TOE1: variants seen among roughly 807,000 people sequenced by gnomAD.
TOE1 encodes the protein target of EGR1 protein 1.
A neutral mutation model predicts 49.2 loss-of-function variants in TOE1; 50 were observed. The observed-to-expected ratio is 1.02, with a 90% CI of 0.81 to 1.29. The LOEUF (loss-of-function observed/expected upper bound fraction) is 1.29. TOE1 is among the 50% of genes most tolerant of loss of function. The pLI, the probability that TOE1 is intolerant of heterozygous loss-of-function variation, is 0.00. For missense variants in TOE1, 544 were observed against 654.4 expected (o/e 0.83, Z 1.84); for synonymous variants, 221 against 247.0 (o/e 0.89, Z 0.99).
rs201659515 is a variant in TOE1, at chr1:45,341,507, G to C, written c.271G>C (p.Ala91Pro). The part of the protein sequence containing the change: ...IEERYKAVCH[A>P]ARTRSILSLG... Reference sequence around the variant, plus strand: ...GGAACGTTACAAGGCCGTGTGTCATGCTGCCAGGACCCGTTCTATCCTTTC... The same window carrying C: ...GGAACGTTACAAGGCCGTGTGTCATCCTGCCAGGACCCGTTCTATCCTTTC... The change falls in exon 4 of 8, where the codon GCT becomes CCT. Residue 91 changes from alanine (A) to proline (P), a missense_variant. Transcript: ENST00000372090. 6.2e-7 allele frequency: 1 copy of C among 1,614,074 alleles called. No homozygotes were observed. The highest frequency in any genetic ancestry group is 2.2e-5 in the East Asian group (1 of 44,868).
At chr1:45,341,750 TC>T (rs1228159248) in intron 4 of TOE1, among the ~76,000 whole-genome samples, 181 bp downstream of exon 4, 1 of 151,944 alleles carries the variant, frequency 6.6e-6, no homozygotes, top group Non-Finnish European at 1.5e-5. Context: ...ATGAGTAAGT[TC>T]TTTAGTGGCA....
chr1:45,342,503 T>A lies in TOE1; in HGVS notation c.612T>A (p.Tyr204Ter). 6.2e-7 allele frequency: 1 copy of A among 1,614,138 alleles called. No homozygotes were observed. Among genetic ancestry groups the A allele is most frequent in the Non-Finnish European group, 8.5e-7 (1 of 1,180,024 alleles). ...IDLVFLYQNF[Y>*]AHLPESLGTF... is the part of the protein sequence containing the mutation. ...TGGTGTTCCTGTACCAGAACTTCTA[T>A]GCACACCTCCCTGAGAGTCTGGGAA... The change falls in exon 6 of 8, where the codon TAT (tyrosine) becomes TAA (stop). Residue 204 changes from tyrosine to a stop codon, truncating the protein, a stop_gained. Transcript: ENST00000372090. LOFTEE classifies it high-confidence loss of function.
Position 45,343,546 on chromosome 1 carries a change from A to G in TOE1, c.1377A>G (p.Gly459=). 1 of 1,614,034 alleles carries G rather than the reference A, an allele frequency of 6.2e-7. No homozygotes were observed. Among genetic ancestry groups the G allele is most frequent in the African/African-American group, 1.3e-5 (1 of 75,000 alleles). The change falls in exon 8 of 8, where the codon GGA becomes GGG. Residue 459 remains glycine (G), a synonymous_variant. Coordinates refer to ENST00000372090, the MANE Select transcript of TOE1 (RefSeq NM_025077.4). This position sits in a 1 kb window ranked among gnomAD's most constrained non-coding sequence, Gnocchi z 4.3. The part of the protein sequence containing the change: ...YVMAYVEVSQ[G]PQPCSSGPWL... The stretch of plus-strand genomic sequence containing the variant: ...TGGCCTATGTGGAAGTGAGCCAGGG[A>G]CCGCAGCCCTGCAGCTCTGGACCCT...
chr1:45,343,160 G>A lies in TOE1; in HGVS notation c.991G>A (p.Ala331Thr). ...CCTTATCATTGACACTGATGAGGCT[G>A]CGGCAGAGGACAAGCGGCGACGGCG... is the stretch of plus-strand genomic sequence containing the variant. ...IDLIIDTDEA[A>T]AEDKRRRRRR... Residue 331 changes from alanine (A) to threonine (T), a missense_variant, in exon 8 of 8, where the codon GCG (alanine) becomes ACG (threonine). Coordinates refer to ENST00000372090, the MANE Select transcript of TOE1 (RefSeq NM_025077.4). This position sits in a 1 kb window ranked among gnomAD's most constrained non-coding sequence, Gnocchi z 4.3. The A allele has an allele frequency of 6.2e-7, 1 of 1,613,944 alleles. No homozygotes were observed. The highest frequency in any genetic ancestry group is 8.5e-7 in the Non-Finnish European group (1 of 1,180,002).
chr1:45,342,345 G>A, intron 5 of TOE1, 39 bp from the exon 6 acceptor site: 1 of 1,603,114 alleles, frequency 6.2e-7, no homozygotes, highest in Non-Finnish European at 8.5e-7. Flanking sequence ...CTCCCTGGGG[G>A]ACTCTGTCCT....
intron 5 of TOE1, 70 bp from the exon 6 acceptor site, chr1:45,342,314 A>G (rs1647045771): frequency 2.5e-6 from 4 of 1,575,022 alleles, no homozygotes; most frequent in African/African-American, 1.4e-5. Flanking sequence ...GAAGTCTGGG[A>G]TAAGTGCCCA....
rs1646917948 is a variant in TOE1, at chr1:45,340,970, T to C, written c.53-103T>C. 2.0e-6 allele frequency: 3 copies of C among 1,520,948 alleles called. No homozygotes were observed. In the African/African-American group the frequency reaches 4.1e-5, roughly 21 times the overall value. The allele number at this position is 1,520,948 out of a possible 1,614,324, so 94.2% of individuals were successfully genotyped here. A position where few individuals can be genotyped will look rare whatever the true frequency, so the allele number is the denominator to read the frequency against. On this transcript the variant is annotated intron_variant, in intron 1 of 7. Coordinates refer to ENST00000372090, the MANE Select transcript of TOE1 (RefSeq NM_025077.4). Reference sequence around the variant, plus strand: ...AAAGGCTTGTGGGAAAAGCTACCAATGGAAACTACCCCCCTTACCACCATC... The same window carrying C: ...AAAGGCTTGTGGGAAAAGCTACCAACGGAAACTACCCCCCTTACCACCATC...
rs1570626784 is a variant in TOE1 at position 45,343,853 on chromosome 1, G to GTT, written c.*153_*154dup. On this transcript the variant is annotated 3_prime_UTR_variant, in exon 8 of 8. Transcript: ENST00000372090. The surrounding 1 kb of genome is among the most constrained non-coding windows in gnomAD (Gnocchi z 4.3). ...CCTGGACCGCCTCCTTTATCCCAGTGTTTGAGGTACAAGTAAGAAGGCTGA... is the reference window on the plus strand; with the variant it reads ...CCTGGACCGCCTCCTTTATCCCAGTGTTTTTGAGGTACAAGTAAGAAGGCTGA... 4.7e-6 allele frequency: 4 copies of GTT among 860,088 alleles called. No homozygotes were observed. Among genetic ancestry groups the GTT allele is most frequent in the Non-Finnish European group, 3.5e-6 (2 of 564,280 alleles). The allele number at this position is 860,088 out of a possible 1,614,324, so 53.3% of individuals were successfully genotyped here. A position where few individuals can be genotyped will look rare whatever the true frequency, so the allele number is the denominator to read the frequency against.
chr1:45,341,894 T>A, intron 4 of TOE1, 55 bp from the exon 5 acceptor site: 1 of 1,579,256 alleles, frequency 6.3e-7, no homozygotes, highest in South Asian at 1.1e-5. Flanking sequence ...AGCTTTTGCA[T>A]CCTCCTAGCT....
Position 45,340,596 on chromosome 1 carries a change from C to T in TOE1, c.52+292C>T, listed in dbSNP as rs996435665. The T allele has an allele frequency of 5.3e-6, 7 of 1,333,322 alleles. No homozygotes were observed. In the African/African-American group the frequency reaches 5.9e-5, roughly 11 times the overall value. The allele number at this position is 1,333,322 out of a possible 1,614,324, so 82.6% of individuals were successfully genotyped here. On this transcript the variant is annotated intron_variant, in intron 1 of 7. Coordinates refer to ENST00000372090, the MANE Select transcript of TOE1 (RefSeq NM_025077.4). ...AGTGGAGTGGATTGAGCGTTGTGAT[C>T]CAAAGGAAGGTAGGACGTATTGGGA...
Position 45,342,624 on chromosome 1 carries a change from GA to G in TOE1, c.735del (p.Glu245AspfsTer33). On this transcript the variant is annotated frameshift_variant, in exon 6 of 8. Transcript: ENST00000372090. LOFTEE classifies it high-confidence loss of function. ...TGCCCGTTTCGTGGCCTCCTACTTA[GA>G]ATATGCCTTCCGGAAATGGTGAGGA... ...FHARFVASYLEYAFRKCEREN... is the reference protein window; with the variant it reads ...FHARFVASYLXYAFRKCEREN... 6.2e-7 allele frequency: 1 copy of G among 1,613,906 alleles called. No homozygotes were observed. Among genetic ancestry groups the G allele is most frequent in the Non-Finnish European group, 8.5e-7 (1 of 1,179,880 alleles).
At position 45,340,180 on chromosome 1, in the gene TOE1, C is replaced by T; in HGVS notation, c.-73C>T. The T allele has an allele frequency of 6.2e-7, 1 of 1,612,390 alleles. No homozygotes were observed. Among genetic ancestry groups the T allele is most frequent in the Non-Finnish European group, 8.5e-7 (1 of 1,179,498 alleles). ...GAGACCCCGCCCCATCCCCGACTGCCTGAACCGCGCCAGGAGACGGACCGC... is the reference window on the plus strand; with the variant it reads ...GAGACCCCGCCCCATCCCCGACTGCTTGAACCGCGCCAGGAGACGGACCGC... On this transcript the variant is annotated 5_prime_UTR_variant, in exon 1 of 8. Coordinates refer to ENST00000372090, the MANE Select transcript of TOE1 (RefSeq NM_025077.4).
Position 45,340,796 on chromosome 1 carries a change from T to A in TOE1, c.53-277T>A, listed in dbSNP as rs1473206000. ...TGGGAAAAAAGAATCAAAGGTCGTC[T>A]AGTCCAACTTTCTCCTCTACAGATT... On this transcript the variant is annotated intron_variant, in intron 1 of 7. Coordinates refer to ENST00000372090, the MANE Select transcript of TOE1 (RefSeq NM_025077.4). 2.0e-5 allele frequency among the ~76,000 whole-genome samples: 3 copies of A among 152,188 alleles called. No homozygotes were observed. In the South Asian group the frequency reaches 6.2e-4, roughly 32 times the overall value.
Position 45,343,680 on chromosome 1 carries a change from A to T in TOE1, c.1511A>T (p.Lys504Met). 2 of 1,609,980 alleles carry T rather than the reference A, an allele frequency of 1.2e-6. No homozygotes were observed. The highest frequency in any genetic ancestry group is 2.2e-5 in the South Asian group (2 of 91,016). Residue 504 changes from lysine (K) to methionine (M), a missense_variant, in exon 8 of 8, where the codon AAG (lysine) becomes ATG (methionine). Physicochemically the swap from Lys to Met is moderately conservative, Grantham distance 95 (BLOSUM62 -1). Coordinates refer to ENST00000372090, the MANE Select transcript of TOE1 (RefSeq NM_025077.4). This position sits in a 1 kb window ranked among gnomAD's most constrained non-coding sequence, Gnocchi z 4.3. Reference protein sequence around the residue: ...RSSKAHNQKMKLTWGSS With the variant: ...RSSKAHNQKMMLTWGSS ...TCCAAAGCCCACAATCAGAAGATGA[A>T]GCTCACTTGGGGCAGTAGCTGATGC...
rs540793556 is a variant in TOE1, at chr1:45,340,199, G to C, written c.-54G>C. On this transcript the variant is annotated 5_prime_UTR_variant, in exon 1 of 8. Coordinates refer to ENST00000372090, the MANE Select transcript of TOE1 (RefSeq NM_025077.4). ...GACTGCCTGAACCGCGCCAGGAGAC[G>C]GACCGCAAGTCCAGCGTACCCACAG... is the stretch of plus-strand genomic sequence containing the variant. 58 of 1,613,420 alleles carry C rather than the reference G, an allele frequency of 3.6e-5. No homozygotes were observed. The highest frequency in any genetic ancestry group is 1.0e-4 in the Admixed American group (6 of 59,994).
intron 1 of TOE1, chr1:45,340,613 G>C (rs1334766723): frequency 5.2e-5 from 69 of 1,317,832 alleles, no homozygotes; most frequent in Non-Finnish European, 6.4e-5. Context: ...AAGGTAGGAC[G>C]TATTGGGAGC....
Position 45,343,762 on chromosome 1 carries a change from A to G in TOE1, c.*60A>G, listed in dbSNP as rs2149261168. ...GTATTTTGGGTCTCTCTAGCCTGAA[A>G]TGTCATCCTCAACTGCTACTGAGTT... On this transcript the variant is annotated 3_prime_UTR_variant, in exon 8 of 8. Coordinates refer to ENST00000372090, the MANE Select transcript of TOE1 (RefSeq NM_025077.4). This position sits in a 1 kb window ranked among gnomAD's most constrained non-coding sequence, Gnocchi z 4.3. The G allele has an allele frequency of 6.5e-7, 1 of 1,544,938 alleles. No homozygotes were observed. Among genetic ancestry groups the G allele is most frequent in the Non-Finnish European group, 8.8e-7 (1 of 1,141,564 alleles).
rs1647099103 is a variant in TOE1, at chr1:45,343,913, T to C, written c.*211T>C. ...GTAACACTGACTTTATTTTTAAGTC[T>C]GAAAATGTCTTGGGAAAGTTTTACA... On this transcript the variant is annotated 3_prime_UTR_variant, in exon 8 of 8. Transcript: ENST00000372090. This position sits in a 1 kb window ranked among gnomAD's most constrained non-coding sequence, Gnocchi z 4.3. The C allele has an allele frequency of 2.2e-6, 1 of 458,132 alleles. No homozygotes were observed. The allele number at this position is 458,132 out of a possible 1,614,324, so 28.4% of individuals were successfully genotyped here. A position where few individuals can be genotyped will look rare whatever the true frequency, so the allele number is the denominator to read the frequency against.
At position 45,343,193 on chromosome 1, in the gene TOE1, A is replaced by T; in HGVS notation, c.1024A>T (p.Arg342Trp). The T allele has an allele frequency of 6.2e-7, 1 of 1,614,048 alleles. No homozygotes were observed. Among genetic ancestry groups the T allele is most frequent in the Non-Finnish European group, 8.5e-7 (1 of 1,180,008 alleles). The change falls in exon 8 of 8, where the codon AGG becomes TGG. Residue 342 changes from arginine to tryptophan, a missense_variant. Physicochemically the swap from Arg to Trp is moderately radical, Grantham distance 101. Transcript: ENST00000372090. This position sits in a 1 kb window ranked among gnomAD's most constrained non-coding sequence, Gnocchi z 4.3. ...AEDKRRRRRRREKRKRALLNL... is the reference protein window; with the variant it reads ...AEDKRRRRRRWEKRKRALLNL... ...GGACAAGCGGCGACGGCGACGACGTAGGGAAAAACGGAAGAGGGCTTTATT... is the reference window on the plus strand; with the variant it reads ...GGACAAGCGGCGACGGCGACGACGTTGGGAAAAACGGAAGAGGGCTTTATT...
Sources: gnomAD v4.1 joint callset for allele counts (sites outside exome capture counted in the v4.1 genomes callset) on GRCh38, gnomAD v4.1.1 for gene constraint, Gnocchi (gnomAD v3.1) non-coding constraint, MANE v1.5 for transcripts, NCBI Gene and HGNC (gene_info 2026-07-23, HGNC 2026-07-21) for gene names.